LYPD6: variants seen among roughly 807,000 people sequenced by gnomAD.
The protein encoded by LYPD6 is ly6/PLAUR domain-containing protein 6.
In LYPD6, 15 loss-of-function variants were observed where a neutral mutation model predicts 22.7. The observed-to-expected ratio is 0.66, with a 90% CI of 0.44 to 1.02. The LOEUF (loss-of-function observed/expected upper bound fraction) is 1.02. LYPD6 is among the 50% of genes least tolerant of loss of function. The pLI is 0.00. For missense variants in LYPD6, 189 were observed against 208.4 expected, an observed-to-expected ratio of 0.91 and a Z score of 0.57; for synonymous variants, 72 against 77.5, an observed-to-expected ratio of 0.93 and a Z score of 0.37.
chr2:149,385,798 G>GA (rs1275467457), intron 1 of LYPD6, among the ~76,000 whole-genome samples: 1 of 152,120 alleles, frequency 6.6e-6, no homozygotes, highest in Non-Finnish European at 1.5e-5. Context: ...GAAAGAGAGG[G>GA]AAAAAGAGAA....
intron 1 of LYPD6, among the ~76,000 whole-genome samples, chr2:149,363,994 T>A (rs886692079): frequency 6.6e-6 from 1 of 152,212 alleles, no homozygotes; most frequent in Non-Finnish European, 1.5e-5. Flanking sequence ...TTTTCTTTCC[T>A]ACTTTTAAAA....
chr2:149,474,615 C>T (rs979335395), downstream of LYPD6, among the ~76,000 whole-genome samples: 2 of 152,096 alleles, frequency 1.3e-5, no homozygotes, highest in African/African-American at 4.8e-5. Flanking sequence ...CACTGATGCT[C>T]CTTAAAGTGT....
chr2:149,377,909 T>C (rs1257115878), intron 1 of LYPD6, among the ~76,000 whole-genome samples: 1 of 151,760 alleles, frequency 6.6e-6, no homozygotes, highest in Non-Finnish European at 1.5e-5. Flanking sequence ...AGGCCTCATG[T>C]GTATTCATCG....
At chr2:149,453,108 A>G (rs1680872971) in intron 3 of LYPD6, among the ~76,000 whole-genome samples, 1 of 152,160 alleles carries the variant, frequency 6.6e-6, no homozygotes, top group African/African-American at 2.4e-5. Context: ...CTTCCTTTGC[A>G]ACAACTTTAA....
At chr2:149,436,767 G>C (rs1683439750) in intron 1 of LYPD6, among the ~76,000 whole-genome samples, 1 of 152,154 alleles carries the variant, frequency 6.6e-6, no homozygotes, top group Admixed American at 6.5e-5. Context: ...GTTTTTAGTA[G>C]AGACAGGGTT....
At chr2:149,344,600 C>G (rs1255405376) in intron 1 of LYPD6, among the ~76,000 whole-genome samples, 1 of 152,202 alleles carries the variant, frequency 6.6e-6, no homozygotes, top group East Asian at 1.9e-4. Flanking sequence ...GTGCGCTATT[C>G]TTCCCTTCAT....
chr2:149,375,188 C>T (rs1681889626), intron 1 of LYPD6, among the ~76,000 whole-genome samples: 1 of 152,088 alleles, frequency 6.6e-6, no homozygotes, highest in Non-Finnish European at 1.5e-5. Flanking sequence ...GTAGACAAAC[C>T]AGGATTTACC....
rs182284823 is a variant in LYPD6 at position 149,404,111 on chromosome 2, T to C, written c.-71-33527T>C. ...ATCTATATCTCTGTTTTGGTACCAGTACCATGCTGTTTTGGTTACTGTAGG... is the reference window on the plus strand; with the variant it reads ...ATCTATATCTCTGTTTTGGTACCAGCACCATGCTGTTTTGGTTACTGTAGG... On this transcript the variant is annotated intron_variant, in intron 1 of 4. Transcript: ENST00000334166. Among the ~76,000 whole-genome samples the C allele has an allele frequency of 2.2e-3, 337 of 152,330 alleles. 2 individuals carry two copies. Among genetic ancestry groups the C allele is most frequent in the African/African-American group, 7.9e-3 (329 of 41,570 alleles).
At chr2:149,405,928 G>A (rs1336235201) in intron 1 of LYPD6, among the ~76,000 whole-genome samples, 1 of 148,770 alleles carries the variant, frequency 6.7e-6, no homozygotes, top group Admixed American at 6.7e-5. Flanking sequence ...ATTCTGGTAT[G>A]TTGTGTCTTT....
At position 149,395,563 on chromosome 2, in the gene LYPD6, C is replaced by T. The variant is rs1361908289; in HGVS notation, c.-71-42075C>T. Among the ~76,000 whole-genome samples, 9 of 151,894 alleles carry T rather than the reference C, an allele frequency of 5.9e-5. 1 individual carries two copies. The highest frequency in any genetic ancestry group is 1.2e-4 in the Non-Finnish European group (8 of 67,972). ...ACCTGATTAAATTCCTTCATTGATTCGAGTACTTTTTATTTTTAGAGTTGG... is the reference window on the plus strand; with the variant it reads ...ACCTGATTAAATTCCTTCATTGATTTGAGTACTTTTTATTTTTAGAGTTGG... On this transcript the variant is annotated intron_variant, in intron 1 of 4. Coordinates refer to ENST00000334166, the MANE Select transcript of LYPD6 (RefSeq NM_194317.5).
Position 149,470,731 on chromosome 2 carries a change from C to G in LYPD6, c.397C>G (p.Arg133Gly). 1 of 1,613,720 alleles carries G rather than the reference C, an allele frequency of 6.2e-7. No homozygotes were observed. The highest frequency in any genetic ancestry group is 8.5e-7 in the Non-Finnish European group (1 of 1,179,752). ...AAATATCTGTAACTTGCCACTGCCC[C>G]GAAATGAAACTGATGCCACATTTGC... ...EGNICNLPLP[R>G]NETDATFATT... The change falls in exon 5 of 5, where the codon CGA (arginine) becomes GGA (glycine). Residue 133 changes from arginine (R) to glycine (G), a missense_variant. Transcript: ENST00000334166.
intron 1 of LYPD6, among the ~76,000 whole-genome samples, chr2:149,393,699 G>C (rs577123848): frequency 6.6e-6 from 1 of 152,324 alleles, no homozygotes; most frequent in African/African-American, 2.4e-5. Flanking sequence ...CAGAGGGTAA[G>C]TATTATGCAC....
the LYPD6 span, among the ~76,000 whole-genome samples, chr2:149,483,125 A>G: frequency 0.2 from 29,871 of 151,832 alleles, 4,347 homozygotes; most frequent in African/African-American, 0.4. Context: ...TTGTCTGTGG[A>G]CCCCAGGGGA....
intron 1 of LYPD6, among the ~76,000 whole-genome samples, chr2:149,357,929 G>A (rs964275951): frequency 6.6e-6 from 1 of 151,816 alleles, no homozygotes; most frequent in African/African-American, 2.4e-5. Context: ...GGGATTACAA[G>A]CGTGTGCCAC....
chr2:149,377,608 C>T (rs1195727614), intron 1 of LYPD6, among the ~76,000 whole-genome samples: 2 of 152,104 alleles, frequency 1.3e-5, no homozygotes, highest in African/African-American at 4.8e-5. Flanking sequence ...GGTGAAACCC[C>T]GCCTCTACTA....
chr2:149,442,439 T>C (rs72863968), intron 2 of LYPD6, among the ~76,000 whole-genome samples: 37,604 of 151,988 alleles, frequency 0.25, 5,273 homozygotes, highest in African/African-American at 0.39. Flanking sequence ...CGTTTCTTTT[T>C]TTCTTTACAA....
intron 2 of LYPD6, among the ~76,000 whole-genome samples, chr2:149,438,593 T>C (rs909180470): frequency 2.6e-5 from 4 of 152,262 alleles, no homozygotes; most frequent in Admixed American, 2.6e-4. Flanking sequence ...ATTACTCTTT[T>C]GAAATGCTCT....
chr2:149,388,178 CTCTT>C (rs1382275797), intron 1 of LYPD6, among the ~76,000 whole-genome samples: 2 of 38,426 alleles, frequency 5.2e-5, no homozygotes, highest in Non-Finnish European at 1.9e-4. Flanking sequence ...CTCTCTCTCT[CTCTT>C]TTTTTTTTTT....
chr2:149,406,347 A>G (rs1463561491), intron 1 of LYPD6, among the ~76,000 whole-genome samples: 7 of 151,696 alleles, frequency 4.6e-5, no homozygotes, highest in African/African-American at 1.2e-4. Flanking sequence ...AAAGTCTCCC[A>G]TTATTATTGT....
Sources: allele counts gnomAD v4.1 joint callset (sites outside exome capture counted in the v4.1 genomes callset), GRCh38; gene constraint gnomAD v4.1.1; transcripts MANE v1.5; gene names NCBI Gene and HGNC (gene_info 2026-07-23, HGNC 2026-07-21).